ECE1: variants seen among roughly 807,000 people sequenced by gnomAD.
ECE1 encodes endothelin converting enzyme 1.
In ECE1, 35 loss-of-function variants were observed where a neutral mutation model predicts 98.6. The ratio of observed to expected loss-of-function variants is 0.35; its 90% confidence interval spans 0.27 to 0.47. The LOEUF (loss-of-function observed/expected upper bound fraction) is 0.47. Among genes scored for constraint, ECE1 ranks in the 20% least tolerant of loss-of-function variants. The probability of loss-of-function intolerance (pLI) is 1.00; values close to 1 mark genes in which losing one functional copy is unlikely to be tolerated. For synonymous variants in ECE1, 394 were observed against 407.1 expected, an observed-to-expected ratio of 0.97 and a Z score of 0.39; for missense variants, 814 against 1,025.3, an observed-to-expected ratio of 0.79 and a Z score of 2.81.
Position 21,283,389 on chromosome 1 carries a change from G to T in ECE1, c.139-4057C>A, listed in dbSNP as rs145193719. Among the ~76,000 whole-genome samples, 822 of 151,958 alleles carry T rather than the reference G, an allele frequency of 5.4e-3. 11 individuals carry two copies. Among genetic ancestry groups the T allele is most frequent in the African/African-American group, 0.019 (790 of 41,388 alleles). On this transcript the variant is annotated intron_variant, in intron 2 of 18. Coordinates refer to ENST00000374893, the MANE Select transcript of ECE1 (RefSeq NM_001397.3). ...GAGTTCAAGCAATTCTCCTGCCTCAGCGTCCCGAGTAGCTGGGATTACAGG... is the reference window on the plus strand; with the variant it reads ...GAGTTCAAGCAATTCTCCTGCCTCATCGTCCCGAGTAGCTGGGATTACAGG...
chr1:21,312,267 GTC>G (rs1208643504), intron 1 of ECE1, among the ~76,000 whole-genome samples: 1 of 147,664 alleles, frequency 6.8e-6, no homozygotes, highest in African/African-American at 2.5e-5. Flanking sequence ...GCAAAACCTT[GTC>G]TCTACAAAAA....
intron 14 of ECE1, among the ~76,000 whole-genome samples, chr1:21,229,234 A>G (rs1220489628): frequency 2.6e-5 from 4 of 151,562 alleles, no homozygotes; most frequent in South Asian, 4.2e-4. Context: ...CCCAGGTTAG[A>G]GTGCGGTGGC....
rs212535 is a variant in ECE1 at position 21,264,327 on chromosome 1, T to G, written c.494-3935A>C. On this transcript the variant is annotated intron_variant, in intron 4 of 18. Transcript: ENST00000374893. ...TACCAATTCCCCCCCCCCCTTTTTT[T>G]TTTTTGACACTGAGTCTCGCTCTGT... 8.9e-3 allele frequency among the ~76,000 whole-genome samples: 1,322 copies of G among 148,158 alleles called. 20 individuals are homozygous for G. Among genetic ancestry groups the G allele is most frequent in the African/African-American group, 0.03 (1,235 of 40,798 alleles).
intron 4 of ECE1, among the ~76,000 whole-genome samples, chr1:21,270,316 C>T (rs1334615792): frequency 6.6e-6 from 1 of 152,234 alleles, no homozygotes; most frequent in African/African-American, 2.4e-5. Flanking sequence ...GTACAGTGCA[C>T]AGCGCACGGC....
At chr1:21,269,330 A>G (rs2098237627) in intron 4 of ECE1, among the ~76,000 whole-genome samples, 1 of 152,242 alleles carries the variant, frequency 6.6e-6, no homozygotes, top group Non-Finnish European at 1.5e-5. Context: ...TCAATGAAAT[A>G]ATACAAGTGA....
intron 2 of ECE1, among the ~76,000 whole-genome samples, chr1:21,281,324 G>A (rs142770514): frequency 1.5e-4 from 23 of 152,306 alleles, no homozygotes; most frequent in Non-Finnish European, 2.5e-4. Context: ...GATGCCGCCC[G>A]CTCAAATCCC....
chr1:21,244,219 T>C (rs958510417), intron 10 of ECE1, among the ~76,000 whole-genome samples: 1 of 152,048 alleles, frequency 6.6e-6, no homozygotes, highest in Admixed American at 6.5e-5. Context: ...TTCCAGCCAC[T>C]CTCTGGGGCC....
At chr1:21,280,490 G>T (rs1415391715) in intron 2 of ECE1, among the ~76,000 whole-genome samples, 1 of 152,198 alleles carries the variant, frequency 6.6e-6, no homozygotes, top group Non-Finnish European at 1.5e-5. Context: ...GGAGAGGAGA[G>T]GAGGGCCTAG....
At chr1:21,294,784 G>A (rs535291727), upstream of ECE1, among the ~76,000 whole-genome samples, 21 of 152,302 alleles carry the variant, frequency 1.4e-4, no homozygotes, top group Non-Finnish European at 2.8e-4. This position sits in a 1 kb window ranked among gnomAD's most constrained non-coding sequence, Gnocchi z 4.2. Flanking sequence ...GGGTGATGAG[G>A]TGGAAAAGGG....
chr1:21,333,365 T>C (rs1347856833), intron 1 of ECE1, among the ~76,000 whole-genome samples: 6 of 151,848 alleles, frequency 4.0e-5, no homozygotes, highest in Admixed American at 2.0e-4. Context: ...TGGGTAGTAG[T>C]GTGGCCTGGC....
At chr1:21,230,307 A>G (rs2098180132) in intron 14 of ECE1, among the ~76,000 whole-genome samples, 2 of 152,228 alleles carry the variant, frequency 1.3e-5, no homozygotes, top group African/African-American at 2.4e-5. Flanking sequence ...AAGAACGTGC[A>G]CAAGTACCAG....
chr1:21,295,171 G>A (rs1638318444), upstream of ECE1, among the ~76,000 whole-genome samples: 1 of 152,172 alleles, frequency 6.6e-6, no homozygotes, highest in East Asian at 1.9e-4. Context: ...GATAACAATA[G>A]TACCTCCCTC....
chr1:21,286,036 T>A (rs950939164), intron 2 of ECE1, among the ~76,000 whole-genome samples: 1 of 148,442 alleles, frequency 6.7e-6, no homozygotes, highest in Non-Finnish European at 1.5e-5. Flanking sequence ...CTGTGCAAGG[T>A]GGGAAAAAAA....
intron 2 of ECE1, among the ~76,000 whole-genome samples, chr1:21,281,050 A>C (rs981312249): frequency 6.6e-6 from 1 of 152,052 alleles, no homozygotes; most frequent in Non-Finnish European, 1.5e-5. Flanking sequence ...ATTAGCCAGG[A>C]GTGGTGACAG....
In ECE1 at chr1:21,340,239, GT is replaced by G. The variant is rs1486210820; in HGVS notation, c.3+5136del. On this transcript the variant is annotated intron_variant, in intron 1 of 18. Transcript: ENST00000415912. The surrounding 1 kb of genome is among the most constrained non-coding windows in gnomAD (Gnocchi z 4.6). ...CTCTGGAGACCAGGGCCCTCGGCTG[GT>G]TATCTGCCTGAAAGGATGAGGGGAA... 6.6e-6 allele frequency among the ~76,000 whole-genome samples: 1 copy of G among 152,228 alleles called. No homozygotes were observed. The highest frequency in any genetic ancestry group is 2.4e-5 in the African/African-American group (1 of 41,458).
intron 12 of ECE1, among the ~76,000 whole-genome samples, chr1:21,236,226 C>T (rs897393352): frequency 3.3e-5 from 5 of 152,270 alleles, no homozygotes; most frequent in East Asian, 1.9e-4. Flanking sequence ...ACCTTTTCCC[C>T]GTACACTCAG....
At chr1:21,279,130 G>A (rs1026668034) in intron 3 of ECE1, 61 bp downstream of exon 3, 41 of 1,613,352 alleles carry the variant, frequency 2.5e-5, no homozygotes, top group South Asian at 4.4e-5. Context: ...CCCCTCGCCC[G>A]AGCTGACGGA....
chr1:21,285,601 G>A (rs1263110500), intron 2 of ECE1, among the ~76,000 whole-genome samples: 1 of 150,806 alleles, frequency 6.6e-6, no homozygotes, highest in Non-Finnish European at 1.5e-5. Context: ...AATGTGAGAG[G>A]ATCGCTTGAG....
Position 21,233,701 on chromosome 1 carries a change from G to A in ECE1, c.1567-40C>T, listed in dbSNP as rs377389084. The A allele has an allele frequency of 2.8e-5, 44 of 1,582,078 alleles. No homozygotes were observed. The highest frequency in any genetic ancestry group is 5.0e-5 in the Admixed American group (3 of 59,562). On this transcript the variant is annotated intron_variant, in intron 13 of 18. Coordinates refer to ENST00000374893, the MANE Select transcript of ECE1 (RefSeq NM_001397.3). The surrounding 1 kb of genome is among the most constrained non-coding windows in gnomAD (Gnocchi z 4.0). ...GTGGAGTCAATCACAGTGTGCCCTCGGTGGTGTGCATCTTCCAAGACAGGA... is the reference window on the plus strand; with the variant it reads ...GTGGAGTCAATCACAGTGTGCCCTCAGTGGTGTGCATCTTCCAAGACAGGA...
Sources: allele counts gnomAD v4.1 joint callset (sites outside exome capture counted in the v4.1 genomes callset), GRCh38; gene constraint gnomAD v4.1.1; non-coding constraint Gnocchi (gnomAD v3.1); transcripts MANE v1.5; gene names NCBI Gene and HGNC (gene_info 2026-07-23, HGNC 2026-07-21).